Variants in SLC8A1 observed in about 807,000 individuals in gnomAD.
The protein encoded by SLC8A1 is sodium/calcium exchanger 1.
In SLC8A1, 18 loss-of-function variants were observed where a neutral mutation model predicts 68.3. That is an observed-to-expected ratio of 0.26 (90% confidence interval 0.18 to 0.39). The LOEUF (loss-of-function observed/expected upper bound fraction) is 0.39. Ranked by LOEUF, SLC8A1 falls within the 10% of genes least tolerant of loss-of-function variation. The probability of loss-of-function intolerance (pLI) is 1.00; values close to 1 mark genes in which losing one functional copy is unlikely to be tolerated. For missense variants in SLC8A1, 985 were observed against 1,156.7 expected (o/e 0.85, Z 2.15); for synonymous variants, 475 against 415.5 (o/e 1.14, Z -1.74).
In SLC8A1 at chr2:40,137,715, G is replaced by A. The variant is rs1047432760; in HGVS notation, c.2437+1686C>T. 6.6e-5 allele frequency among the ~76,000 whole-genome samples: 10 copies of A among 152,256 alleles called. No homozygotes were observed. In the East Asian group the frequency reaches 1.4e-3, roughly 21 times the overall value. ...AGGACCAATATGGAACTGCTGGAAC[G>A]TAGTTGGGATTGAGAGGGAGTCTGC... On this transcript the variant is annotated intron_variant, in intron 7 of 7. Transcript: ENST00000406785.
exon 8 of SLC8A1, chr2:40,111,418 T>G (rs1182562320): frequency 6.6e-6 from 1 of 152,174 alleles, no homozygotes; most frequent in African/African-American, 2.4e-5. Flanking sequence ...ATTTAAATAA[T>G]TCCTTCATTC....
chr2:40,434,735 AT>A (rs1447326845), intron 1 of SLC8A1, among the ~76,000 whole-genome samples: 2 of 152,170 alleles, frequency 1.3e-5, no homozygotes, highest in African/African-American at 4.8e-5. Flanking sequence ...GAATACCCAA[AT>A]TATCTTCTGA....
At chr2:40,415,666 GCT>G (rs1014835652) in intron 2 of SLC8A1, among the ~76,000 whole-genome samples, 3 of 151,954 alleles carry the variant, frequency 2.0e-5, no homozygotes, top group African/African-American at 7.2e-5. Flanking sequence ...AAGGACTAAT[GCT>G]CTCTTATTCC....
chr2:40,105,702 T>G (rs1356754888), exon 8 of SLC8A1: 1 of 152,118 alleles, frequency 6.6e-6, no homozygotes, highest in Non-Finnish European at 1.5e-5. Flanking sequence ...GCTGCATGAA[T>G]CTGGAAAGGC....
chr2:40,195,214 T>C (rs2052727409), intron 2 of SLC8A1, among the ~76,000 whole-genome samples: 1 of 152,120 alleles, frequency 6.6e-6, no homozygotes, highest in African/African-American at 2.4e-5. Flanking sequence ...TCTAGTAGTT[T>C]ACTGCTTTTG....
chr2:40,442,156 A>G (rs969307462), intron 1 of SLC8A1, among the ~76,000 whole-genome samples: 13 of 151,722 alleles, frequency 8.6e-5, no homozygotes, highest in African/African-American at 2.9e-4. Context: ...ATATGTAACT[A>G]ACCTGCACAT....
At chr2:40,437,334 G>A (rs952371235) in intron 1 of SLC8A1, among the ~76,000 whole-genome samples, 3 of 152,026 alleles carry the variant, frequency 2.0e-5, no homozygotes, top group Non-Finnish European at 4.4e-5. Context: ...GCTCATCAAG[G>A]AGCCTCACAT....
chr2:40,313,251 T>A (rs1436247775), intron 2 of SLC8A1, among the ~76,000 whole-genome samples: 2 of 152,128 alleles, frequency 1.3e-5, no homozygotes, highest in African/African-American at 4.8e-5. Context: ...TTAAGAGTCA[T>A]CCATGTTGTG....
At chr2:40,110,797 T>G (rs1036922732) in exon 8 of SLC8A1, 1 of 152,130 alleles carries the variant, frequency 6.6e-6, no homozygotes, top group African/African-American at 2.4e-5. Context: ...TTAAAAGAAG[T>G]CTTAAAGGGG....
intron 4 of SLC8A1, among the ~76,000 whole-genome samples, chr2:40,174,304 A>AT (rs1236429658): frequency 6.6e-6 from 1 of 151,982 alleles, no homozygotes; most frequent in Non-Finnish European, 1.5e-5. Flanking sequence ...ATTTTTATGT[A>AT]TTTTCTCAAT....
chr2:40,165,074 G>A (rs1356809242), intron 4 of SLC8A1, 90 bp from the exon 8 acceptor site: 3 of 1,556,928 alleles, frequency 1.9e-6, no homozygotes, highest in Non-Finnish European at 2.6e-6. Context: ...AAGGAGGAAG[G>A]AAGCCCTAAT....
intron 2 of SLC8A1, among the ~76,000 whole-genome samples, chr2:40,236,429 CT>C (rs1447268570): frequency 2.0e-5 from 3 of 152,060 alleles, no homozygotes; most frequent in Admixed American, 6.6e-5. Context: ...CAAACCCTGC[CT>C]TTTTTTGTTT....
At position 40,372,493 on chromosome 2, in the gene SLC8A1, T is replaced by G. The variant is rs139633842; in HGVS notation, c.1808+55980A>C. Reference sequence around the variant, plus strand: ...TTTTTCTTCATAGATAATACTACCATGGCAAACATCAAAAACAACTGGATT... The same window carrying G: ...TTTTTCTTCATAGATAATACTACCAGGGCAAACATCAAAAACAACTGGATT... On this transcript the variant is annotated intron_variant, in intron 2 of 7. Transcript: ENST00000406785. Among the ~76,000 whole-genome samples, 18 of 152,292 alleles carry G rather than the reference T, an allele frequency of 1.2e-4. No individual in the cohort carries two copies. The South Asian group carries it at 3.5e-3, about 30-fold the overall frequency.
intron 2 of SLC8A1, among the ~76,000 whole-genome samples, chr2:40,367,290 T>C (rs1676530939): frequency 6.6e-6 from 1 of 152,022 alleles, no homozygotes; most frequent in East Asian, 1.9e-4. Flanking sequence ...TTCAGAATCT[T>C]CTTCTGCCTG....
intron 4 of SLC8A1, among the ~76,000 whole-genome samples, chr2:40,166,119 G>A (rs2046510797): frequency 1.3e-5 from 2 of 152,124 alleles, no homozygotes; most frequent in East Asian, 1.9e-4. Flanking sequence ...CTTCCTGCCT[G>A]GTGCATTTAA....
At chr2:40,397,262 G>C (rs1687279356) in intron 2 of SLC8A1, among the ~76,000 whole-genome samples, 1 of 152,118 alleles carries the variant, frequency 6.6e-6, no homozygotes, top group Non-Finnish European at 1.5e-5. Flanking sequence ...TACATGTCAT[G>C]AGCTAATGTG....
chr2:40,428,770 G>T, exon 2 of SLC8A1: 1 of 1,613,786 alleles, frequency 6.2e-7, no homozygotes, highest in Middle Eastern at 1.7e-4. Context: ...ATCTTCTGAA[G>T]CTTCAGAAGA....
At chr2:40,296,009 G>C (rs949268577) in intron 2 of SLC8A1, among the ~76,000 whole-genome samples, 8 of 151,936 alleles carry the variant, frequency 5.3e-5, no homozygotes, top group African/African-American at 1.9e-4. Flanking sequence ...ACCACAATGA[G>C]AATTTGAGAA....
chr2:40,190,276 A>G (rs1415112019), intron 2 of SLC8A1, among the ~76,000 whole-genome samples: 1 of 152,116 alleles, frequency 6.6e-6, no homozygotes, highest in Non-Finnish European at 1.5e-5. Flanking sequence ...TAGAAGCACA[A>G]TCTCTCAATC....
Sources: gnomAD v4.1 joint callset for allele counts (sites outside exome capture counted in the v4.1 genomes callset) on GRCh38, gnomAD v4.1.1 for gene constraint, MANE v1.5 for transcripts, NCBI Gene and HGNC (gene_info 2026-07-23, HGNC 2026-07-21) for gene names.